SLC60A1: variants seen among roughly 807,000 people sequenced by gnomAD.
The protein encoded by SLC60A1 is solute carrier family 60 member 1, also known as major facilitator superfamily domain containing 4.
chr1:205,593,627 G>A, the SLC60A1 span, among the ~76,000 whole-genome samples: 2 of 152,020 alleles, frequency 1.3e-5, no homozygotes, highest in African/African-American at 4.8e-5. Context: ...ACCATCAGTC[G>A]TTAGGAATAA....
the SLC60A1 span, chr1:205,600,799 A>G: frequency 4.5e-6 from 1 of 221,316 alleles, no homozygotes; most frequent in Non-Finnish European, 8.9e-6. Flanking sequence ...ATCATTCTTC[A>G]TTGAAGTTTG....
the SLC60A1 span, among the ~76,000 whole-genome samples, chr1:205,585,271 A>T: frequency 8.5e-5 from 13 of 152,264 alleles, no homozygotes; most frequent in South Asian, 6.2e-4. The surrounding 1 kb of genome is among the most constrained non-coding windows in gnomAD (Gnocchi z 4.2). Flanking sequence ...GTTGTCAAGG[A>T]CAGGCTACCT....
At chr1:205,583,469 C>T in the SLC60A1 span, among the ~76,000 whole-genome samples, 2 of 152,174 alleles carry the variant, frequency 1.3e-5, no homozygotes, top group Admixed American at 6.5e-5. Flanking sequence ...ACTGTGTGAC[C>T]AGGGCAGTCT....
At chr1:205,574,745 T>G in the SLC60A1 span, among the ~76,000 whole-genome samples, 2 of 152,072 alleles carry the variant, frequency 1.3e-5, no homozygotes, top group Admixed American at 1.3e-4. Context: ...TGCAAAGAAT[T>G]GAGGGAGAGG....
At chr1:205,586,673 G>A in the SLC60A1 span, among the ~76,000 whole-genome samples, 1 of 151,142 alleles carries the variant, frequency 6.6e-6, no homozygotes, top group Non-Finnish European at 1.5e-5. Flanking sequence ...CTGGGGATTT[G>A]CATTTGGTAG....
the SLC60A1 span, among the ~76,000 whole-genome samples, chr1:205,592,606 C>A: frequency 6.6e-6 from 1 of 151,998 alleles, no homozygotes; most frequent in African/African-American, 2.4e-5. Flanking sequence ...CATCTCCCAG[C>A]GAGAACGCTG....
At chr1:205,573,433 A>G in the SLC60A1 span, among the ~76,000 whole-genome samples, 1 of 152,106 alleles carries the variant, frequency 6.6e-6, no homozygotes, top group Non-Finnish European at 1.5e-5. Flanking sequence ...AAAAGAAAAA[A>G]AAAAAGTGGT....
At chr1:205,584,815 AC>A in the SLC60A1 span, 1 of 1,475,128 alleles carries the variant, frequency 6.8e-7, no homozygotes, top group Middle Eastern at 1.7e-4. Context: ...CGGCCCTGGG[AC>A]ATGCAGAGGG....
the SLC60A1 span, chr1:205,599,296 C>T: frequency 1.1e-5 from 17 of 1,608,552 alleles, no homozygotes; most frequent in South Asian, 6.6e-5. Flanking sequence ...AAAACAGAGC[C>T]GGGGTCGGGG....
chr1:205,595,552 G>A, the SLC60A1 span, among the ~76,000 whole-genome samples: 1 of 151,264 alleles, frequency 6.6e-6, no homozygotes, highest in Admixed American at 6.6e-5. Flanking sequence ...ACCCTACCAA[G>A]GGACAAGGGT....
At chr1:205,569,954 G>C in the SLC60A1 span, among the ~76,000 whole-genome samples, 1 of 152,034 alleles carries the variant, frequency 6.6e-6, no homozygotes, top group South Asian at 2.1e-4. Flanking sequence ...GAGACACACA[G>C]GACCTCACCG....
the SLC60A1 span, chr1:205,579,934 G>T: frequency 6.2e-7 from 1 of 1,613,378 alleles, no homozygotes; most frequent in African/African-American, 1.3e-5. Context: ...AGAAGGACTC[G>T]GCCGTCTTCC....
the SLC60A1 span, among the ~76,000 whole-genome samples, chr1:205,575,302 A>T: frequency 6.6e-6 from 1 of 151,710 alleles, no homozygotes; most frequent in East Asian, 1.9e-4. Context: ...GGGAGGGGAG[A>T]GGTGGGAGGA....
the SLC60A1 span, chr1:205,592,352 CCTGT>C: frequency 3.5e-5 from 51 of 1,478,228 alleles, no homozygotes; most frequent in East Asian, 5.9e-4. Flanking sequence ...CTCGCTCTGC[CCTGT>C]CTCTCTGTGC....
chr1:205,578,373 A>C, the SLC60A1 span, among the ~76,000 whole-genome samples: 2 of 152,314 alleles, frequency 1.3e-5, no homozygotes, highest in Admixed American at 1.3e-4. Context: ...GGTGTGTGTT[A>C]GCATTGCCTC....
the SLC60A1 span, among the ~76,000 whole-genome samples, chr1:205,594,840 G>A: frequency 1.3e-5 from 2 of 151,916 alleles, no homozygotes; most frequent in African/African-American, 4.8e-5. Context: ...GTCTTGGCTT[G>A]TCTCCTTGTC....
chr1:205,591,150 T>C, the SLC60A1 span, among the ~76,000 whole-genome samples: 2 of 152,044 alleles, frequency 1.3e-5, no homozygotes, highest in African/African-American at 4.8e-5. Flanking sequence ...ATGGTTATAT[T>C]AACAAAAACA....
At chr1:205,595,639 G>A in the SLC60A1 span, among the ~76,000 whole-genome samples, 1 of 152,206 alleles carries the variant, frequency 6.6e-6, no homozygotes, top group Non-Finnish European at 1.5e-5. Flanking sequence ...ACCTTGTGCA[G>A]TTTCACTTCC....
At chr1:205,575,725 C>T in the SLC60A1 span, among the ~76,000 whole-genome samples, 2 of 152,298 alleles carry the variant, frequency 1.3e-5, no homozygotes, top group Non-Finnish European at 2.9e-5. Context: ...TTCCTCTTCC[C>T]TCTCCCACTT....
Sources: gnomAD v4.1 joint callset for allele counts (sites outside exome capture counted in the v4.1 genomes callset) on GRCh38, gnomAD v4.1.1 for gene constraint, Gnocchi (gnomAD v3.1) non-coding constraint, MANE v1.5 for transcripts, NCBI Gene and HGNC (gene_info 2026-07-23, HGNC 2026-07-21) for gene names.